Variants in DDX46 observed in about 807,000 individuals in gnomAD.
DDX46 encodes the protein DEAD-box helicase 46.
In DDX46, 30 loss-of-function variants were observed where a neutral mutation model predicts 134.9. The ratio of observed to expected loss-of-function variants is 0.22; its 90% CI spans 0.17 to 0.30. The LOEUF (loss-of-function observed/expected upper bound fraction) is 0.30. Ranked by LOEUF, DDX46 falls within the 10% of genes least tolerant of loss-of-function variation. The pLI, the probability that DDX46 is intolerant of heterozygous loss-of-function variation, is 1.00. For missense variants in DDX46, 622 were observed against 1,248.7 expected (o/e 0.50, Z 7.56); for synonymous variants, 415 against 404.1 (o/e 1.03, Z -0.32).
intron 9 of DDX46, among the ~76,000 whole-genome samples, chr5:134,784,110 C>G (rs767315682): frequency 6.6e-6 from 1 of 152,266 alleles, no homozygotes; most frequent in South Asian, 2.1e-4. Context: ...TTTGGCTATT[C>G]CTAACATTTC....
intron 18 of DDX46, 81 bp from the exon 19 acceptor site, chr5:134,816,349 C>A: frequency 1.5e-6 from 2 of 1,308,668 alleles, no homozygotes. Context: ...TGGAAACATT[C>A]CTTATTTATT....
chr5:134,816,658 T>A, intron 19 of DDX46, 52 bp downstream of exon 19: 1 of 1,557,038 alleles, frequency 6.4e-7, no homozygotes. Context: ...GTTCTTTGAT[T>A]TTACTTTTCA....
chr5:134,758,865 A>C lies in DDX46; in HGVS notation c.-74A>C. On this transcript the variant is annotated 5_prime_UTR_variant, in exon 1 of 23. Transcript: ENST00000452510. The stretch of plus-strand genomic sequence containing the variant: ...CTGGTCTTTGCCGGGCGTTGAGGGC[A>C]GCTCAGCCTCCTTGTTTGTCCGGTT... 6.2e-7 allele frequency: 1 copy of C among 1,611,290 alleles called. No homozygotes were observed. The highest frequency in any genetic ancestry group is 8.5e-7 in the Non-Finnish European group (1 of 1,177,786).
chr5:134,805,604 C>T (rs867795058), intron 15 of DDX46, among the ~76,000 whole-genome samples: 13 of 151,774 alleles, frequency 8.6e-5, no homozygotes, highest in South Asian at 6.2e-4. Context: ...TCTTGGCTCA[C>T]GGCAATTTCC....
chr5:134,768,806 A>G lies in DDX46; in HGVS notation c.350+1746A>G, dbSNP rs1162245270. Among the ~76,000 whole-genome samples the G allele has an allele frequency of 5.3e-5, 8 of 152,162 alleles. 1 individual carries two copies. Among genetic ancestry groups the G allele is most frequent in the African/African-American group, 2.4e-5 (1 of 41,438 alleles). ...CTGGGTGAAGTGGCTCACGCCTGTA[A>G]TCCTAGCACTTTGGGAGGCCGAGGT... is the stretch of plus-strand genomic sequence containing the variant. On this transcript the variant is annotated intron_variant, in intron 3 of 22. Coordinates refer to ENST00000452510, the MANE Select transcript of DDX46 (RefSeq NM_001300860.2).
intron 9 of DDX46, among the ~76,000 whole-genome samples, chr5:134,783,586 G>A (rs1326461021): frequency 2.7e-5 from 2 of 75,196 alleles, no homozygotes; most frequent in Non-Finnish European, 5.0e-5. Flanking sequence ...TTTCACTCTC[G>A]TTGCCCAGGC....
At chr5:134,817,851 T>TCAAATTTCTA in intron 20 of DDX46, 137 bp downstream of exon 20, 1 of 743,260 alleles carries the variant, frequency 1.3e-6, no homozygotes, top group Non-Finnish European at 2.2e-6. Context: ...ACAATAGAAA[T>TCAAATTTCTA]TTGATTTTTA....
intron 21 of DDX46, chr5:134,826,382 C>T (rs982795520): frequency 1.3e-5 from 2 of 152,184 alleles, no homozygotes; most frequent in African/African-American, 2.4e-5. Context: ...TTTCCAACCA[C>T]GCTACGCTTC....
At chr5:134,784,237 G>T in intron 9 of DDX46, 129 bp from the exon 10 acceptor site, 1 of 875,560 alleles carries the variant, frequency 1.1e-6, no homozygotes, top group Non-Finnish European at 1.7e-6. Flanking sequence ...CCTTTTTATT[G>T]CCAAATAGTA....
At chr5:134,808,309 T>C (rs1021303029) in intron 16 of DDX46, among the ~76,000 whole-genome samples, 2 of 152,220 alleles carry the variant, frequency 1.3e-5, no homozygotes, top group African/African-American at 2.4e-5. Context: ...CTAAACATCA[T>C]AGTAGCCTAG....
chr5:134,807,533 A>G (rs907884783), intron 15 of DDX46, among the ~76,000 whole-genome samples: 6 of 152,182 alleles, frequency 3.9e-5, no homozygotes, highest in Non-Finnish European at 8.8e-5. Flanking sequence ...CCTTATATAG[A>G]AGAAAGGGGG....
In DDX46 at chr5:134,781,145, A is replaced by T; in HGVS notation, c.778A>T (p.Thr260Ser). ...GGGNEKKSGP[T>S]VTKVVTVVTT... The stretch of plus-strand genomic sequence containing the variant: ...TTCTTTATTTTAGAAGTCTGGGCCA[A>T]CGGTCACAAAAGTTGTCACTGTTGT... The change falls in exon 7 of 23, where the codon ACG becomes TCG. Residue 260 changes from threonine to serine, a missense_variant. Thr to Ser is a moderately conservative substitution (Grantham distance 58). Around this residue, in one of 8 missense-constraint regions of DDX46, gnomAD observed 244 missense variants for 349.3 expected, o/e 0.70. Transcript: ENST00000452510. 6.3e-7 allele frequency: 1 copy of T among 1,580,184 alleles called. No homozygotes were observed. Among genetic ancestry groups the T allele is most frequent in the Non-Finnish European group, 8.5e-7 (1 of 1,171,848 alleles).
chr5:134,771,944 C>T (rs746551389), intron 4 of DDX46, among the ~76,000 whole-genome samples: 1 of 152,118 alleles, frequency 6.6e-6, no homozygotes, highest in Non-Finnish European at 1.5e-5. Context: ...TAAATTTCGA[C>T]TTAAGGCTGG....
chr5:134,780,140 ATATG>A (rs1241519185), intron 6 of DDX46, among the ~76,000 whole-genome samples: 6 of 132,638 alleles, frequency 4.5e-5, no homozygotes, highest in Non-Finnish European at 6.3e-5. Context: ...GTGTGTGTGT[ATATG>A]TATATATGTG....
Position 134,830,501 on chromosome 5 carries a change from T to C in DDX46, c.*1795T>C, listed in dbSNP as rs1755710541. On this transcript the variant is annotated 3_prime_UTR_variant, in exon 23 of 23. Transcript: ENST00000452510. ...TCTTTAAATATTATTGACTTACAGTTTAAAAATAAATAAATAAAAGCATAC... is the reference window on the plus strand; with the variant it reads ...TCTTTAAATATTATTGACTTACAGTCTAAAAATAAATAAATAAAAGCATAC... 6.6e-6 allele frequency: 1 copy of C among 152,160 alleles called. No homozygotes were observed. The highest frequency in any genetic ancestry group is 1.5e-5 in the Non-Finnish European group (1 of 68,020). 9.4% of individuals were successfully genotyped at this position (152,160 alleles called of 1,614,324 possible).
chr5:134,781,329 A>G, intron 7 of DDX46, 83 bp downstream of exon 7: 5 of 1,065,586 alleles, frequency 4.7e-6, no homozygotes, highest in Non-Finnish European at 6.8e-6. Context: ...TGTGCGTTTC[A>G]TTTGTGTGAG....
chr5:134,763,483 A>G (rs1580767787), intron 1 of DDX46, among the ~76,000 whole-genome samples: 1 of 152,170 alleles, frequency 6.6e-6, no homozygotes, highest in African/African-American at 2.4e-5. Context: ...GGGACTTTGC[A>G]CTTGTGCCTT....
intron 1 of DDX46, among the ~76,000 whole-genome samples, chr5:134,760,762 G>C (rs183867630): frequency 2.0e-5 from 3 of 152,108 alleles, no homozygotes; most frequent in Non-Finnish European, 2.9e-5. Context: ...ACAGAGTCTC[G>C]CTCTTTCGCC....
intron 1 of DDX46, among the ~76,000 whole-genome samples, chr5:134,761,264 C>T (rs1187728918): frequency 6.6e-6 from 1 of 152,194 alleles, no homozygotes; most frequent in Non-Finnish European, 1.5e-5. Context: ...AGGTCAAGCT[C>T]TCTGCCCACC....
Sources: gnomAD v4.1 joint callset for allele counts (sites outside exome capture counted in the v4.1 genomes callset) on GRCh38, gnomAD v4.1.1 for gene constraint, gnomAD v4.1.1 regional missense constraint, MANE v1.5 for transcripts, NCBI Gene and HGNC (gene_info 2026-07-23, HGNC 2026-07-21) for gene names.